Variants in RBFOX2 observed in about 807,000 individuals in gnomAD.
RBFOX2 encodes RNA binding fox-1 homolog 2.
RBFOX2 carries 10 observed loss-of-function variants against 49.1 expected under a neutral mutation model. The observed-to-expected ratio is 0.20, with a 90% CI of 0.13 to 0.35. RBFOX2 has a LOEUF of 0.35. Among genes scored for constraint, RBFOX2 ranks in the 10% least tolerant of loss-of-function variants. The pLI, the probability that RBFOX2 is intolerant of heterozygous loss-of-function variation, is 1.00. For missense variants in RBFOX2, 323 were observed against 486.9 expected (o/e 0.66, Z 3.17); for synonymous variants, 183 against 187.4 (o/e 0.98, Z 0.19).
At chr22:35,946,845 G>A (rs997622230) in intron 1 of RBFOX2, among the ~76,000 whole-genome samples, 11 of 152,198 alleles carry the variant, frequency 7.2e-5, no homozygotes, top group Admixed American at 6.5e-4. Context: ...AAGGCCACAT[G>A]ACAATACTTT....
At chr22:35,745,822 G>C in intron 11 of RBFOX2, 101 bp downstream of exon 13, 1 of 1,198,214 alleles carries the variant, frequency 8.3e-7, no homozygotes, top group Non-Finnish European at 1.2e-6. Flanking sequence ...CTTGATGGTG[G>C]ATGAAAGGCT....
chr22:35,931,196 AAC>A (rs922677513), intron 1 of RBFOX2, among the ~76,000 whole-genome samples: 13 of 152,278 alleles, frequency 8.5e-5, no homozygotes, highest in African/African-American at 2.2e-4. Context: ...GGACAGAAGC[AAC>A]AGTTTGAAAA....
intron 1 of RBFOX2, among the ~76,000 whole-genome samples, chr22:35,933,953 T>TATATATATACACAC (rs1009021083): frequency 1.4e-5 from 2 of 141,072 alleles, no homozygotes; most frequent in African/African-American, 5.6e-5. Flanking sequence ...TATATATATA[T>TATATATATACACAC]ACACACATCA....
chr22:35,856,294 C>A (rs544343611), intron 1 of RBFOX2, among the ~76,000 whole-genome samples: 5 of 152,130 alleles, frequency 3.3e-5, no homozygotes, highest in Admixed American at 2.0e-4. Context: ...CCCTTGGGAT[C>A]TCAAGACTTA....
intron 2 of RBFOX2, among the ~76,000 whole-genome samples, chr22:35,791,127 G>A (rs1038800826): frequency 3.3e-5 from 5 of 152,152 alleles, no homozygotes; most frequent in African/African-American, 1.2e-4. Context: ...GCTCATGCCT[G>A]TAATCCTAGC....
chr22:36,022,600 A>G (rs2059285369), intron 1 of RBFOX2, among the ~76,000 whole-genome samples: 1 of 152,198 alleles, frequency 6.6e-6, no homozygotes, highest in South Asian at 2.1e-4. Context: ...CTCCATCTAC[A>G]ATATTTACCA....
At chr22:35,809,907 T>A (rs1951520007) in exon 2 of RBFOX2, 1 of 1,614,024 alleles carries the variant, frequency 6.2e-7, no homozygotes, top group East Asian at 2.2e-5. Flanking sequence ...TGGCACCCCA[T>A]ACTCTGTGGG....
In RBFOX2 at chr22:35,782,003, C is replaced by T. The variant is rs1482543329; in HGVS notation, c.253-257G>A. ...TGCTAACAAAATGGGAGCTAACGAA[C>T]ACGGAAGTACTAAGTGACTTGCCCA... On this transcript the variant is annotated intron_variant, in intron 2 of 11. Transcript: ENST00000405409. Among the ~76,000 whole-genome samples the T allele has an allele frequency of 2.6e-5, 4 of 152,178 alleles. No homozygotes were observed. The South Asian group carries it at 6.2e-4, about 24-fold the overall frequency.
chr22:36,017,708 T>TGCTC (rs2059094714), intron 1 of RBFOX2, among the ~76,000 whole-genome samples: 1 of 152,222 alleles, frequency 6.6e-6, no homozygotes, highest in Non-Finnish European at 1.5e-5. Flanking sequence ...ATCAACAGCC[T>TGCTC]GCTCCAGCGA....
At chr22:35,985,902 GGATA>G (rs3075246) in intron 1 of RBFOX2, among the ~76,000 whole-genome samples, 37,019 of 143,708 alleles carry the variant, frequency 0.26, 5,028 homozygotes, top group Middle Eastern at 0.32. Context: ...ATAGATAGAT[GGATA>G]GATAGATAGA....
chr22:35,833,865 A>G (rs1281133965), intron 1 of RBFOX2, among the ~76,000 whole-genome samples: 1 of 152,152 alleles, frequency 6.6e-6, no homozygotes, highest in Non-Finnish European at 1.5e-5. Context: ...ACAATGCTTA[A>G]TGCACAGTAT....
At chr22:35,955,639 C>T (rs971764115) in intron 1 of RBFOX2, among the ~76,000 whole-genome samples, 9 of 152,052 alleles carry the variant, frequency 5.9e-5, no homozygotes, top group East Asian at 1.9e-4. Flanking sequence ...ATCCCTCGCA[C>T]GCGCAGTTCA....
At chr22:35,859,738 T>A (rs1308994005) in intron 1 of RBFOX2, among the ~76,000 whole-genome samples, 4 of 152,178 alleles carry the variant, frequency 2.6e-5, no homozygotes, top group Non-Finnish European at 5.9e-5. Flanking sequence ...CTTTTTGTTT[T>A]TAAGTTAGAG....
Position 35,744,260 on chromosome 22 carries a change from TAA to T in RBFOX2, c.1050-13_1050-12del. 1.9e-6 allele frequency: 3 copies of T among 1,606,390 alleles called. No homozygotes were observed. Among genetic ancestry groups the T allele is most frequent in the Non-Finnish European group, 2.6e-6 (3 of 1,175,972 alleles). On this transcript the variant is annotated splice_polypyrimidine_tract_variant and intron_variant, in intron 11 of 11. Transcript: ENST00000405409. ...TCGGTATAAACTCGCCTGCAGTAAT[TAA>T]AGAGATAAAAATAATTAAAAGGTTG...
intron 1 of RBFOX2, among the ~76,000 whole-genome samples, chr22:35,885,516 G>A (rs2046444166): frequency 6.6e-6 from 1 of 152,120 alleles, no homozygotes; most frequent in Non-Finnish European, 1.5e-5. Context: ...ACTAGGCCAG[G>A]GACAGAAATG....
chr22:35,764,599 A>G (rs994090375), intron 6 of RBFOX2, among the ~76,000 whole-genome samples: 1 of 151,788 alleles, frequency 6.6e-6, no homozygotes, highest in Non-Finnish European at 1.5e-5. Context: ...AAAAAAAAAA[A>G]AAAACTCCAG....
chr22:35,852,372 A>C (rs112030096), intron 1 of RBFOX2, among the ~76,000 whole-genome samples: 4,992 of 152,108 alleles, frequency 0.033, 118 homozygotes, highest in Non-Finnish European at 0.045. Context: ...GGTAATTAAG[A>C]AATAACAAAA....
chr22:36,017,752 C>G (rs2059097119), intron 1 of RBFOX2, among the ~76,000 whole-genome samples: 1 of 152,188 alleles, frequency 6.6e-6, no homozygotes, highest in South Asian at 2.1e-4. Context: ...GCCTCTCTCA[C>G]TTGTGTGGTT....
At chr22:35,870,484 A>G (rs910600284) in intron 1 of RBFOX2, among the ~76,000 whole-genome samples, 1 of 152,208 alleles carries the variant, frequency 6.6e-6, no homozygotes, top group African/African-American at 2.4e-5. Context: ...AACATAAATA[A>G]ACAAACAAAC....
Sources: allele counts gnomAD v4.1 joint callset (sites outside exome capture counted in the v4.1 genomes callset), GRCh38; gene constraint gnomAD v4.1.1; transcripts MANE v1.5; gene names NCBI Gene and HGNC (gene_info 2026-07-23, HGNC 2026-07-21).